The following ZNF215 variants were observed in gnomAD, a reference collection of about 807,000 sequenced individuals.
ZNF215 encodes zinc finger protein 215.
In ZNF215, 24 loss-of-function variants were observed where a neutral mutation model predicts 27.2. The observed-to-expected ratio is 0.88, with a 90% CI of 0.64 to 1.24. ZNF215 has a LOEUF of 1.24. Ranked by LOEUF, ZNF215 falls within the 50% of genes most tolerant of loss-of-function variation. The probability of loss-of-function intolerance (pLI) is 0.00; values close to 1 mark genes in which losing one functional copy is unlikely to be tolerated. For missense variants in ZNF215, 675 were observed against 605.7 expected (o/e 1.11, Z -1.20); for synonymous variants, 210 against 204.0 (o/e 1.03, Z -0.25).
At position 6,957,219 on chromosome 11, in the gene ZNF215, A is replaced by T. The variant is rs1187842658; in HGVS notation, c.*688A>T. On this transcript the variant is annotated 3_prime_UTR_variant, in exon 7 of 7. Coordinates refer to ENST00000278319, the MANE Select transcript of ZNF215 (RefSeq NM_013250.4). ...TGTTTTTGTTTTGTTATAATGTTATAATTGTTATGATGTTGATGAGAAAAA... is the reference window on the plus strand; with the variant it reads ...TGTTTTTGTTTTGTTATAATGTTATTATTGTTATGATGTTGATGAGAAAAA... The T allele has an allele frequency of 2.0e-6, 2 of 978,990 alleles. No homozygotes were observed. The highest frequency in any genetic ancestry group is 3.5e-5 in the African/African-American group (2 of 57,116). 60.6% of individuals were successfully genotyped at this position (978,990 alleles called of 1,614,324 possible).
intron 3 of ZNF215, among the ~76,000 whole-genome samples, chr11:6,940,349 G>A (rs1408867670): frequency 6.6e-6 from 1 of 152,148 alleles, no homozygotes; most frequent in Non-Finnish European, 1.5e-5. Context: ...CTGTCACCAG[G>A]GCTGGAGTGT....
chr11:6,965,326 A>G (rs1850597779), intron 5 of ZNF215, among the ~76,000 whole-genome samples: 1 of 152,164 alleles, frequency 6.6e-6, no homozygotes, highest in Non-Finnish European at 1.5e-5. Flanking sequence ...ACTAGTATGC[A>G]ATGATGTAAA....
At chr11:6,974,202 T>G (rs1251800267) in intron 5 of ZNF215, among the ~76,000 whole-genome samples, 1 of 152,104 alleles carries the variant, frequency 6.6e-6, no homozygotes, top group Non-Finnish European at 1.5e-5. Flanking sequence ...ATCAGATGGT[T>G]GTAGATGTGT....
At position 6,932,312 on chromosome 11, in the gene ZNF215, C is replaced by G. The variant is rs200686307; in HGVS notation, c.40C>G (p.Arg14Gly). ...CAAGTTGATGGCTATCTCAAAACCT[C>G]GAAACCTGTCTCTACGTGAACAAAG... The part of the protein sequence containing the change: ...LSKLMAISKP[R>G]NLSLREQREV... The change falls in exon 3 of 7, where the codon CGA becomes GGA. Residue 14 changes from arginine (R) to glycine (G), a missense_variant. Transcript: ENST00000278319. 3.2e-5 allele frequency: 51 copies of G among 1,613,904 alleles called. No individual in the cohort carries two copies. The East Asian group carries it at 1.1e-3, about 35-fold the overall frequency.
downstream of ZNF215, among the ~76,000 whole-genome samples, chr11:6,990,617 G>C (rs924558908): frequency 6.6e-6 from 1 of 152,240 alleles, no homozygotes; most frequent in Admixed American, 6.5e-5. Flanking sequence ...TGTTTTAAAG[G>C]AAAATTAATG....
At chr11:6,935,930 A>G (rs548554508) in intron 3 of ZNF215, among the ~76,000 whole-genome samples, 49 of 152,118 alleles carry the variant, frequency 3.2e-4, no homozygotes, top group Non-Finnish European at 6.2e-4. Flanking sequence ...GTGGAAATTA[A>G]CAGTCACATA....
intron 6 of ZNF215, among the ~76,000 whole-genome samples, chr11:6,945,777 T>A (rs12279315): frequency 0.01 from 1,535 of 152,340 alleles, 30 homozygotes; most frequent in African/African-American, 0.035. Flanking sequence ...TCTTGTTTTG[T>A]CTTCTCTTCT....
At chr11:6,979,893 G>C (rs536117876) in intron 5 of ZNF215, among the ~76,000 whole-genome samples, 2 of 152,224 alleles carry the variant, frequency 1.3e-5, no homozygotes, top group South Asian at 2.1e-4. Flanking sequence ...TAGACTTACA[G>C]ATGTAAAATA....
At position 6,932,649 on chromosome 11, in the gene ZNF215, T is replaced by C. The variant is rs1849307221; in HGVS notation, c.377T>C (p.Val126Ala). The change falls in exon 3 of 7, where the codon GTG becomes GCG. Residue 126 changes from valine to alanine, a missense_variant. Physicochemically the swap from Val to Ala is moderately conservative, Grantham distance 64 (BLOSUM62 0). Coordinates refer to ENST00000278319, the MANE Select transcript of ZNF215 (RefSeq NM_013250.4). ...SKDMVTLIEDVIEMLEDEDMP... is the reference protein window; with the variant it reads ...SKDMVTLIEDAIEMLEDEDMP... ...GATATGGTGACCCTCATAGAAGATG[T>C]GATTGAAATGCTTGAAGATGAAGGT... 1 of 1,609,628 alleles carries C rather than the reference T, an allele frequency of 6.2e-7. No homozygotes were observed. Among genetic ancestry groups the C allele is most frequent in the South Asian group, 1.1e-5 (1 of 90,708 alleles).
intron 5 of ZNF215, among the ~76,000 whole-genome samples, chr11:6,983,605 C>G (rs890913875): frequency 6.6e-6 from 1 of 151,744 alleles, no homozygotes; most frequent in African/African-American, 2.4e-5. Context: ...AATATGAGAA[C>G]TAAAATAATT....
chr11:6,941,392 T>A (rs1441830892), intron 3 of ZNF215, among the ~76,000 whole-genome samples, 179 bp from the exon 4 acceptor site: 2 of 152,256 alleles, frequency 1.3e-5, no homozygotes, highest in Non-Finnish European at 2.9e-5. Flanking sequence ...TAAAATATTT[T>A]AAAAATACAA....
chr11:6,985,051 A>AATT (rs1851032598), downstream of ZNF215, among the ~76,000 whole-genome samples: 1 of 152,136 alleles, frequency 6.6e-6, no homozygotes, highest in Non-Finnish European at 1.5e-5. Context: ...TCATTCTCTA[A>AATT]AGGCAGCATC....
intron 5 of ZNF215, among the ~76,000 whole-genome samples, chr11:6,963,534 C>G (rs181599033): frequency 6.6e-6 from 1 of 151,958 alleles, no homozygotes; most frequent in Admixed American, 6.6e-5. Flanking sequence ...CTCATTCATT[C>G]ACCAGTTGAA....
At chr11:6,993,194 T>G (rs1265439678), downstream of ZNF215, among the ~76,000 whole-genome samples, 4 of 152,122 alleles carry the variant, frequency 2.6e-5, no homozygotes, top group Admixed American at 6.5e-5. Context: ...ATTCCTCCAT[T>G]TCGTTTCTGA....
Position 6,952,792 on chromosome 11 carries a change from T to G in ZNF215, c.713-2898T>G, listed in dbSNP as rs1015342648. 4.1e-4 allele frequency among the ~76,000 whole-genome samples: 63 copies of G among 152,250 alleles called. 1 individual carries two copies. Among genetic ancestry groups the G allele is most frequent in the African/African-American group, 1.5e-3 (62 of 41,542 alleles). On this transcript the variant is annotated intron_variant, in intron 6 of 6. Transcript: ENST00000278319. ...TCCTATCATTATGATGTTAGCTGGT[T>G]ATTTTGCTGGTTAGTTGATGCAGTT...
chr11:6,986,026 A>G (rs1302283026), downstream of ZNF215, among the ~76,000 whole-genome samples: 1 of 152,254 alleles, frequency 6.6e-6, no homozygotes, highest in Middle Eastern at 3.4e-3. Context: ...AGAAAAAACT[A>G]TTCTGAAATT....
At chr11:6,964,004 C>T (rs953435403) in intron 5 of ZNF215, among the ~76,000 whole-genome samples, 2 of 151,974 alleles carry the variant, frequency 1.3e-5, no homozygotes, top group African/African-American at 4.8e-5. Flanking sequence ...ATTTACCATA[C>T]CACTATGTTA....
At chr11:6,974,449 G>T in intron 5 of ZNF215, among the ~76,000 whole-genome samples, 1 of 152,168 alleles carries the variant, frequency 6.6e-6, no homozygotes. Flanking sequence ...TTGGTAGCTT[G>T]ATAGGGATGG....
chr11:6,987,588 T>C (rs1038251825), downstream of ZNF215, among the ~76,000 whole-genome samples: 6 of 152,236 alleles, frequency 3.9e-5, no homozygotes, highest in Admixed American at 2.6e-4. Context: ...ATCTGGTATG[T>C]ATATCTATCT....
Sources: allele counts gnomAD v4.1 joint callset (sites outside exome capture counted in the v4.1 genomes callset), GRCh38; gene constraint gnomAD v4.1.1; transcripts MANE v1.5; gene names NCBI Gene and HGNC (gene_info 2026-07-23, HGNC 2026-07-21).